PTPRM: variants seen among roughly 807,000 people sequenced by gnomAD.
PTPRM encodes protein tyrosine phosphatase receptor type M.
PTPRM carries 47 observed loss-of-function variants against 186.7 expected under a neutral mutation model. The observed-to-expected ratio is 0.25, with a 90% CI of 0.20 to 0.32. PTPRM has a LOEUF of 0.32. Ranked by LOEUF, PTPRM falls within the 10% of genes least tolerant of loss-of-function variation. PTPRM has a pLI of 1.00. For synonymous variants in PTPRM, 668 were observed against 674.9 expected (o/e 0.99, Z 0.16); for missense variants, 1,494 against 1,865.0 (o/e 0.80, Z 3.66).
intron 7 of PTPRM, among the ~76,000 whole-genome samples, chr18:7,957,638 G>GGGTGAGGAAAGTGAAA (rs1349268070): frequency 1.3e-5 from 2 of 152,150 alleles, no homozygotes; most frequent in East Asian, 3.8e-4. Flanking sequence ...CATGTTAGGT[G>GGGTGAGGAAAGTGAAA]GGTGAGGAAA....
At chr18:8,053,068 C>T (rs2087626279) in intron 7 of PTPRM, among the ~76,000 whole-genome samples, 1 of 152,106 alleles carries the variant, frequency 6.6e-6, no homozygotes, top group Non-Finnish European at 1.5e-5. Flanking sequence ...ATCAATATCT[C>T]TCGTTTGTTT....
intron 1 of PTPRM, among the ~76,000 whole-genome samples, chr18:7,728,194 T>C (rs2040587140): frequency 6.6e-6 from 1 of 152,244 alleles, no homozygotes; most frequent in Non-Finnish European, 1.5e-5. Flanking sequence ...TTTCAGTATG[T>C]TTAATTCTGG....
At chr18:7,667,311 G>A (rs117013602) in intron 1 of PTPRM, among the ~76,000 whole-genome samples, 1 of 152,162 alleles carries the variant, frequency 6.6e-6, no homozygotes, top group Non-Finnish European at 1.5e-5. Flanking sequence ...ATCAAAACAG[G>A]TCAGCTCTAA....
At chr18:8,120,554 G>C in intron 13 of PTPRM, among the ~76,000 whole-genome samples, 1 of 147,938 alleles carries the variant, frequency 6.8e-6, no homozygotes, top group Non-Finnish European at 1.5e-5. Flanking sequence ...GTGTAGTGGC[G>C]CGATCTCTGC....
At chr18:8,139,988 T>A (rs913859717) in intron 13 of PTPRM, among the ~76,000 whole-genome samples, 1 of 152,214 alleles carries the variant, frequency 6.6e-6, no homozygotes, top group African/African-American at 2.4e-5. Flanking sequence ...TAAATGCTTG[T>A]TGAATAAATG....
chr18:7,607,234 A>G (rs2143810793), intron 1 of PTPRM, among the ~76,000 whole-genome samples: 1 of 152,276 alleles, frequency 6.6e-6, no homozygotes, highest in Non-Finnish European at 1.5e-5. Flanking sequence ...AGAAACTGAG[A>G]TCTGGAGCTG....
chr18:8,364,491 G>A (rs1185360429), intron 23 of PTPRM, among the ~76,000 whole-genome samples: 2 of 152,154 alleles, frequency 1.3e-5, no homozygotes, highest in African/African-American at 4.8e-5. Context: ...ATTCCTGTGA[G>A]ACCTCTAAAC....
At chr18:7,989,573 A>G (rs542170750) in intron 7 of PTPRM, among the ~76,000 whole-genome samples, 1 of 152,226 alleles carries the variant, frequency 6.6e-6, no homozygotes, top group African/African-American at 2.4e-5. Context: ...TCCACCCACT[A>G]TGCATATGGG....
chr18:8,283,041 G>A (rs2094920336), intron 19 of PTPRM, among the ~76,000 whole-genome samples: 1 of 152,174 alleles, frequency 6.6e-6, no homozygotes, highest in Non-Finnish European at 1.5e-5. Context: ...GAGATGAACA[G>A]TAGACTAGTG....
At chr18:7,639,637 C>T (rs2038400215) in intron 1 of PTPRM, among the ~76,000 whole-genome samples, 1 of 152,110 alleles carries the variant, frequency 6.6e-6, no homozygotes, top group African/African-American at 2.4e-5. Context: ...GGTGACCCAC[C>T]CGCCTTGGCC....
intron 23 of PTPRM, among the ~76,000 whole-genome samples, chr18:8,351,845 G>A (rs978390589): frequency 1.3e-5 from 2 of 152,198 alleles, no homozygotes; most frequent in South Asian, 2.1e-4. Context: ...TGAGCTATCA[G>A]CAGCAGGAGA....
chr18:7,587,357 A>G (rs191086159), intron 1 of PTPRM, among the ~76,000 whole-genome samples: 1 of 152,048 alleles, frequency 6.6e-6, no homozygotes, highest in Non-Finnish European at 1.5e-5. Flanking sequence ...AAATAGATGG[A>G]TAGGATTAGC....
At chr18:8,185,614 C>T (rs572565164) in intron 14 of PTPRM, among the ~76,000 whole-genome samples, 3 of 152,158 alleles carry the variant, frequency 2.0e-5, no homozygotes, top group Non-Finnish European at 2.9e-5. Context: ...CCGTACAGAG[C>T]GATTTGAACT....
intron 7 of PTPRM, 86 bp from the exon 8 acceptor site, chr18:8,069,600 C>T: frequency 8.2e-7 from 1 of 1,223,818 alleles, no homozygotes; most frequent in Non-Finnish European, 1.1e-6. Flanking sequence ...GTGGGGACAA[C>T]TGGGAATATC....
At position 7,906,552 on chromosome 18, in the gene PTPRM, C is replaced by T. The variant is rs756987509; in HGVS notation, c.516C>T (p.Ile172=). The change falls in exon 4 of 33, where the codon ATC becomes ATT. Residue 172 remains isoleucine, a synonymous_variant. Coordinates refer to ENST00000580170, the MANE Select transcript of PTPRM (RefSeq NM_001105244.2). ...ITSGHQGYLA[I]DEVKVLGHPC... ...CTGGACATCAAGGCTATCTCGCTAT[C>T]GATGAGGTGAAGGTGTTAGGACATC... 4.0e-5 allele frequency: 65 copies of T among 1,613,502 alleles called. No homozygotes were observed. Among genetic ancestry groups the T allele is most frequent in the Admixed American group, 5.0e-5 (3 of 60,020 alleles).
intron 1 of PTPRM, among the ~76,000 whole-genome samples, chr18:7,749,639 G>T (rs1444021346): frequency 6.6e-6 from 1 of 152,190 alleles, no homozygotes; most frequent in South Asian, 2.1e-4. Flanking sequence ...GAGCCGATCA[G>T]TGTGAGGAGG....
chr18:7,605,530 G>A (rs747636508), intron 1 of PTPRM, among the ~76,000 whole-genome samples: 2 of 152,084 alleles, frequency 1.3e-5, no homozygotes, highest in Non-Finnish European at 2.9e-5. Flanking sequence ...AGATGTATAA[G>A]GGAGGCAAGG....
chr18:8,339,511 G>A (rs1215121592), intron 22 of PTPRM, among the ~76,000 whole-genome samples: 1 of 152,144 alleles, frequency 6.6e-6, no homozygotes, highest in African/African-American at 2.4e-5. Flanking sequence ...CCTTGAGAGA[G>A]GGAGGCTTTT....
At chr18:7,974,165 G>T (rs911140856) in intron 7 of PTPRM, among the ~76,000 whole-genome samples, 2 of 152,190 alleles carry the variant, frequency 1.3e-5, no homozygotes, top group African/African-American at 4.8e-5. Flanking sequence ...TGAAAGCCGA[G>T]TAGGCACAAC....
Sources: allele counts gnomAD v4.1 joint callset (sites outside exome capture counted in the v4.1 genomes callset), GRCh38; gene constraint gnomAD v4.1.1; transcripts MANE v1.5; gene names NCBI Gene and HGNC (gene_info 2026-07-23, HGNC 2026-07-21).